The following PHLDB3 variants were observed in gnomAD, a reference collection of about 807,000 sequenced individuals.
PHLDB3 encodes the protein pleckstrin homology-like domain family B member 3.
In PHLDB3, 86 loss-of-function variants were observed where a neutral mutation model predicts 85.7. The ratio of observed to expected loss-of-function variants is 1.00; its 90% confidence interval spans 0.84 to 1.20. The LOEUF (loss-of-function observed/expected upper bound fraction) is 1.20, where lower values mean the gene tolerates loss of function less well. Among genes scored for constraint, PHLDB3 ranks in the 50% most tolerant of loss-of-function variants. The pLI, the probability that PHLDB3 is intolerant of heterozygous loss-of-function variation, is 0.00. For missense variants in PHLDB3, 995 were observed against 873.0 expected, an observed-to-expected ratio of 1.14 and a Z score of -1.76; for synonymous variants, 376 against 349.8, an observed-to-expected ratio of 1.07 and a Z score of -0.83.
intron 15 of PHLDB3, 91 bp downstream of exon 15, chr19:43,477,956 G>A (rs886805338): frequency 3.1e-6 from 3 of 970,298 alleles, no homozygotes; most frequent in African/African-American, 3.2e-5. Context: ...AGCTGCGGGT[G>A]GCTTTCCCCA....
In PHLDB3 at chr19:43,495,575, T is replaced by A; in HGVS notation, c.871A>T (p.Lys291Ter). The change falls in exon 7 of 16, where the codon AAG (lysine) becomes TAG (stop). Residue 291 changes from lysine to a stop codon, truncating the protein, a stop_gained. Coordinates refer to ENST00000292140, the MANE Select transcript of PHLDB3 (RefSeq NM_198850.4). LOFTEE classifies it high-confidence loss of function. ...HRIRVLEEQL[K>*]SLGEQMAAES... ...GCTGCCATCTGCTCCCCCAGTGACTTGAGCTGCTCTTCCAGGACCCGGATC... is the reference window on the plus strand; with the variant it reads ...GCTGCCATCTGCTCCCCCAGTGACTAGAGCTGCTCTTCCAGGACCCGGATC... 6.2e-7 allele frequency: 1 copy of A among 1,610,726 alleles called. No homozygotes were observed. Among genetic ancestry groups the A allele is most frequent in the Non-Finnish European group, 8.5e-7 (1 of 1,178,632 alleles).
chr19:43,481,461 A>G (rs564709782), intron 13 of PHLDB3, among the ~76,000 whole-genome samples: 208 of 152,294 alleles, frequency 1.4e-3, no homozygotes, highest in African/African-American at 4.8e-3. Context: ...TCTGCTGAAA[A>G]TACAAAATTA....
rs144903376 is a variant in PHLDB3, at chr19:43,477,515, T to TA, written c.1788+531dup. 3.4e-3 allele frequency among the ~76,000 whole-genome samples: 389 copies of TA among 114,620 alleles called. 4 individuals carry two copies. Among genetic ancestry groups the TA allele is most frequent in the African/African-American group, 8.6e-3 (249 of 29,066 alleles). The allele number at this position is 114,620 out of a possible 152,430, so 75.2% of individuals were successfully genotyped here. A position where few individuals can be genotyped will look rare whatever the true frequency, so the allele number is the denominator to read the frequency against. On this transcript the variant is annotated intron_variant, in intron 15 of 15. Transcript: ENST00000292140. The stretch of plus-strand genomic sequence containing the variant: ...CTGGGCAACAGAGCCAGACTCCATC[T>TA]AAAAAAAAAAAAAGAGCCACGTGTG...
chr19:43,493,637 A>C (rs1844889669), intron 9 of PHLDB3, among the ~76,000 whole-genome samples: 1 of 151,654 alleles, frequency 6.6e-6, no homozygotes, highest in African/African-American at 2.4e-5. Context: ...GTCAAAAAAA[A>C]AAAGCTAGAA....
intron 8 of PHLDB3, among the ~76,000 whole-genome samples, 187 bp from the exon 9 acceptor site, chr19:43,495,002 C>G (rs1971409957): frequency 1.3e-5 from 1 of 77,686 alleles, no homozygotes; most frequent in Non-Finnish European, 2.5e-5. Context: ...CTCCTGGCTC[C>G]CTGAGGAGGG....
At chr19:43,500,568 G>A (rs1408916154) in intron 4 of PHLDB3, among the ~76,000 whole-genome samples, 1 of 152,180 alleles carries the variant, frequency 6.6e-6, no homozygotes. Context: ...CAAGCCACCT[G>A]TTAACTGGCA....
chr19:43,480,264 TAAA>T lies in PHLDB3; in HGVS notation c.1486-674_1486-672del, dbSNP rs57417757. Reference sequence around the variant, plus strand: ...CAACACAGAAGACCCCTTCTCTATTTAAAAAAAAAAAAAAAAAAAAAAAAAAAA... The same window carrying T: ...CAACACAGAAGACCCCTTCTCTATTTAAAAAAAAAAAAAAAAAAAAAAAAA... On this transcript the variant is annotated intron_variant, in intron 13 of 15. Transcript: ENST00000292140. Among the ~76,000 whole-genome samples, 410 of 71,578 alleles carry T rather than the reference TAAA, an allele frequency of 5.7e-3. 4 individuals are homozygous for T. The highest frequency in any genetic ancestry group is 0.039 in the Middle Eastern group (4 of 102). 47.0% of individuals were successfully genotyped at this position (71,578 alleles called of 152,430 possible). A position where few individuals can be genotyped will look rare whatever the true frequency, so the allele number is the denominator to read the frequency against.
chr19:43,493,330 T>G (rs1971365716), intron 9 of PHLDB3, among the ~76,000 whole-genome samples: 1 of 121,998 alleles, frequency 8.2e-6, no homozygotes, highest in African/African-American at 3.2e-5. Context: ...TAAAAGCCAG[T>G]GAGACCCTAT....
chr19:43,485,150 T>TG, intron 13 of PHLDB3, among the ~76,000 whole-genome samples: 1 of 151,912 alleles, frequency 6.6e-6, no homozygotes. Flanking sequence ...AGTGGGCACC[T>TG]GGGGGTCTAT....
intron 4 of PHLDB3, 124 bp from the exon 5 acceptor site, chr19:43,498,000 C>T (rs562827160): frequency 7.2e-6 from 10 of 1,392,530 alleles, no homozygotes; most frequent in Non-Finnish European, 9.5e-6. Flanking sequence ...CTATGTGATT[C>T]ACTCCTGTGC....
rs558554224 is a variant in PHLDB3, at chr19:43,479,612, G to T, written c.1486-19C>A. 3.8e-4 allele frequency: 576 copies of T among 1,496,514 alleles called. 2 individuals carry two copies. Among genetic ancestry groups the T allele is most frequent in the Middle Eastern group, 2.8e-3 (12 of 4,276 alleles). 92.7% of individuals were successfully genotyped at this position (1,496,514 alleles called of 1,614,324 possible). A position where few individuals can be genotyped will look rare whatever the true frequency, so the allele number is the denominator to read the frequency against. ...GTGGGGCCTGGGGAGCAAAGAGACG[G>T]GGCAGCTGATGTAAGGGGCGGGGGA... is the stretch of plus-strand genomic sequence containing the variant. On this transcript the variant is annotated intron_variant, in intron 13 of 15. Transcript: ENST00000292140.
In PHLDB3 at chr19:43,486,889, G is replaced by C; in HGVS notation, c.1250-19C>G. ...AGGGATTCTAGGGTAGAGGGGACCA[G>C]GTTACAGGGCTGGATACACCCTGGC... On this transcript the variant is annotated intron_variant, in intron 10 of 15. Transcript: ENST00000292140. 3 of 1,529,900 alleles carry C rather than the reference G, an allele frequency of 2.0e-6. No homozygotes were observed. Among genetic ancestry groups the C allele is most frequent in the Non-Finnish European group, 2.6e-6 (3 of 1,137,460 alleles). 94.8% of individuals were successfully genotyped at this position (1,529,900 alleles called of 1,614,324 possible).
At chr19:43,490,593 T>C (rs1036729509) in intron 9 of PHLDB3, among the ~76,000 whole-genome samples, 1 of 151,762 alleles carries the variant, frequency 6.6e-6, no homozygotes, top group African/African-American at 2.4e-5. Flanking sequence ...ACTCTGGGAG[T>C]TGAGAAATGT....
At chr19:43,491,129 C>A (rs902434598) in intron 9 of PHLDB3, among the ~76,000 whole-genome samples, 2 of 152,158 alleles carry the variant, frequency 1.3e-5, no homozygotes, top group Non-Finnish European at 2.9e-5. Flanking sequence ...TGGCGTCCCA[C>A]CAAATATTTT....
chr19:43,493,236 A>G (rs1370418959), intron 9 of PHLDB3, among the ~76,000 whole-genome samples: 1 of 151,572 alleles, frequency 6.6e-6, no homozygotes, highest in African/African-American at 2.4e-5. Flanking sequence ...TTGAGATCGC[A>G]CCATTGCACT....
intron 11 of PHLDB3, 32 bp downstream of exon 11, chr19:43,486,748 T>A: frequency 6.2e-7 from 1 of 1,611,308 alleles, no homozygotes; most frequent in Non-Finnish European, 8.5e-7. Flanking sequence ...GGCCTCTTCT[T>A]CCATCTCCCC....
At chr19:43,492,749 A>G (rs1297220281) in intron 9 of PHLDB3, among the ~76,000 whole-genome samples, 1 of 152,158 alleles carries the variant, frequency 6.6e-6, no homozygotes, top group Non-Finnish European at 1.5e-5. Flanking sequence ...GTTTTTGCCT[A>G]TAACATGGAA....
chr19:43,493,308 A>AAATAAATG (rs1472168260), intron 9 of PHLDB3, among the ~76,000 whole-genome samples: 1 of 150,612 alleles, frequency 6.6e-6, no homozygotes, highest in Non-Finnish European at 1.5e-5. Flanking sequence ...ATAAATAAAT[A>AAATAAATG]AATAAATAAA....
At chr19:43,485,909 G>C (rs936465683) in intron 13 of PHLDB3, 2 of 932,728 alleles carry the variant, frequency 2.1e-6, no homozygotes, top group East Asian at 1.2e-4. Context: ...GGTGGTTCAC[G>C]CTATAATCCC....
Sources: allele counts gnomAD v4.1 joint callset (sites outside exome capture counted in the v4.1 genomes callset), GRCh38; gene constraint gnomAD v4.1.1; transcripts MANE v1.5; gene names NCBI Gene and HGNC (gene_info 2026-07-23, HGNC 2026-07-21).